The following TFDP2 variants were observed in gnomAD, a reference collection of about 807,000 sequenced individuals.
TFDP2 encodes the protein transcription factor Dp-2, also known as transcription factor Dp-2 (E2F dimerization partner 2).
TFDP2 carries 17 observed loss-of-function variants against 59.3 expected under a neutral mutation model. That is an observed-to-expected ratio of 0.29 (90% CI 0.20 to 0.43). TFDP2 has a LOEUF of 0.43. Among genes scored for constraint, TFDP2 ranks in the 20% least tolerant of loss-of-function variants. The probability of loss-of-function intolerance (pLI) is 1.00; values close to 1 mark genes in which losing one functional copy is unlikely to be tolerated. For missense variants in TFDP2, 391 were observed against 528.8 expected (o/e 0.74, Z 2.56); for synonymous variants, 180 against 194.7 (o/e 0.92, Z 0.63).
chr3:142,141,128 CTTCGCT>C (rs1441026812), intron 1 of TFDP2, among the ~76,000 whole-genome samples: 1 of 152,216 alleles, frequency 6.6e-6, no homozygotes. Context: ...TCTCAGACTA[CTTCGCT>C]AGCAGTGAGC....
chr3:142,115,885 C>T (rs73233898), intron 1 of TFDP2, among the ~76,000 whole-genome samples: 12,960 of 151,996 alleles, frequency 0.085, 694 homozygotes, highest in Middle Eastern at 0.14. Flanking sequence ...CAAAGACACA[C>T]CAAAAAATGG....
intron 1 of TFDP2, among the ~76,000 whole-genome samples, chr3:142,128,399 C>T (rs1270482405): frequency 1.3e-5 from 2 of 152,186 alleles, no homozygotes; most frequent in Non-Finnish European, 2.9e-5. Flanking sequence ...GCAAAACAAT[C>T]GGCCTGGGAC....
At chr3:142,042,147 T>A (rs931839792) in intron 3 of TFDP2, among the ~76,000 whole-genome samples, 7 of 152,234 alleles carry the variant, frequency 4.6e-5, no homozygotes, top group Non-Finnish European at 2.9e-5. Context: ...ACTTATATGT[T>A]AACATATTCA....
chr3:141,984,216 A>T (rs1203210784), intron 6 of TFDP2, among the ~76,000 whole-genome samples: 1 of 152,186 alleles, frequency 6.6e-6, no homozygotes, highest in Non-Finnish European at 1.5e-5. Flanking sequence ...AAAGATAAAT[A>T]TTGGGTTGGG....
chr3:142,051,861 C>T (rs1947647563), intron 3 of TFDP2, among the ~76,000 whole-genome samples: 1 of 151,906 alleles, frequency 6.6e-6, no homozygotes, highest in South Asian at 2.1e-4. Context: ...CTTAGTGACT[C>T]ATGTTTGTAA....
At position 142,074,800 on chromosome 3, in the gene TFDP2, C is replaced by T. The variant is rs141311056; in HGVS notation, c.82+18261G>A. On this transcript the variant is annotated intron_variant, in intron 3 of 12. Transcript: ENST00000489671. ...CCGGGAGGCAGAGGTTGCAGTGAGC[C>T]GAGATTGTGCTACTGCATTCCAGCG... Among the ~76,000 whole-genome samples the T allele has an allele frequency of 5.5e-3, 840 of 152,024 alleles. 20 individuals are homozygous for T. The highest frequency in any genetic ancestry group is 0.025 in the East Asian group (128 of 5,172).
In TFDP2 at chr3:142,095,745, T is replaced by C. The variant is rs558343435; in HGVS notation, c.16-2618A>G. ...ATTTGTTGAAGAGTTTATTGTGCCATTACTAATAACTCCCCCCTCCTTTTT... is the reference window on the plus strand; with the variant it reads ...ATTTGTTGAAGAGTTTATTGTGCCACTACTAATAACTCCCCCCTCCTTTTT... On this transcript the variant is annotated intron_variant, in intron 2 of 12. Transcript: ENST00000489671. 2.6e-5 allele frequency among the ~76,000 whole-genome samples: 4 copies of C among 152,324 alleles called. No individual in the cohort carries two copies. The East Asian group carries it at 7.7e-4, about 29-fold the overall frequency.
At position 141,947,413 on chromosome 3, in the gene TFDP2, T is replaced by C. The variant is rs1935369027; in HGVS notation, c.*5100A>G. On this transcript the variant is annotated 3_prime_UTR_variant, in exon 13 of 13. Coordinates refer to ENST00000489671, the MANE Select transcript of TFDP2 (RefSeq NM_001178139.2). ...TTCTCAATTTCTAATCATTTTTCTT[T>C]CTTTCTTTTTTCTTTTTTTGAGACA... is the stretch of plus-strand genomic sequence containing the variant. 6.6e-6 allele frequency: 1 copy of C among 152,126 alleles called. No individual in the cohort carries two copies. Among genetic ancestry groups the C allele is most frequent in the Non-Finnish European group, 1.5e-5 (1 of 68,034 alleles). The allele number at this position is 152,126 out of a possible 1,614,324, so 9.4% of individuals were successfully genotyped here.
intron 4 of TFDP2, among the ~76,000 whole-genome samples, chr3:141,995,786 G>A (rs1047606595): frequency 1.3e-5 from 2 of 151,096 alleles, no homozygotes; most frequent in African/African-American, 4.9e-5. Flanking sequence ...GGGAGGCTGA[G>A]GCAGGAGAAT....
At chr3:142,099,970 C>T (rs1057410683) in intron 2 of TFDP2, among the ~76,000 whole-genome samples, 3 of 152,160 alleles carry the variant, frequency 2.0e-5, no homozygotes, top group African/African-American at 4.8e-5. Context: ...TTCCTGCCCT[C>T]ATATCCTAAT....
intron 3 of TFDP2, among the ~76,000 whole-genome samples, chr3:142,052,414 G>A (rs561955356): frequency 1.3e-4 from 19 of 150,986 alleles, no homozygotes; most frequent in African/African-American, 2.9e-4. Context: ...GCGTGGTGGT[G>A]GGCGCCTGTA....
chr3:141,955,615 A>T lies in TFDP2; in HGVS notation c.1052-2599T>A, dbSNP rs370056553. 4.6e-5 allele frequency among the ~76,000 whole-genome samples: 7 copies of T among 152,202 alleles called. No homozygotes were observed. The South Asian group carries it at 6.2e-4, about 14-fold the overall frequency. On this transcript the variant is annotated intron_variant, in intron 11 of 12. Transcript: ENST00000489671. ...AACAGAAACCAAATCTCAGCCAACA[A>T]ACTCTTCTGTTGTGAGCAAAGGACC... is the stretch of plus-strand genomic sequence containing the variant.
chr3:142,039,227 G>C (rs1325233892), intron 3 of TFDP2, among the ~76,000 whole-genome samples: 1 of 152,104 alleles, frequency 6.6e-6, no homozygotes, highest in African/African-American at 2.4e-5. Flanking sequence ...CTTCTCCTGT[G>C]AATTACCCAT....
intron 6 of TFDP2, among the ~76,000 whole-genome samples, chr3:141,980,574 A>T (rs1941377598): frequency 1.3e-5 from 2 of 151,848 alleles, no homozygotes; most frequent in Admixed American, 1.3e-4. Context: ...AAAGAGTCTC[A>T]CTCTATCCCC....
At chr3:142,047,932 C>T (rs1029252664) in intron 3 of TFDP2, among the ~76,000 whole-genome samples, 2 of 151,670 alleles carry the variant, frequency 1.3e-5, no homozygotes, top group African/African-American at 4.8e-5. Flanking sequence ...AGTAGAGACG[C>T]GGTCTCACCA....
At chr3:142,040,762 G>A (rs1025278250) in intron 3 of TFDP2, among the ~76,000 whole-genome samples, 1 of 152,060 alleles carries the variant, frequency 6.6e-6, no homozygotes, top group African/African-American at 2.4e-5. Flanking sequence ...AAATTAGCTG[G>A]GTGTGCTAGC....
rs150719917 is a variant in TFDP2 at position 142,130,488 on chromosome 3, T to G, written c.-93+18695A>C. Among the ~76,000 whole-genome samples the G allele has an allele frequency of 3.4e-3, 508 of 151,572 alleles. 2 individuals carry two copies. Among genetic ancestry groups the G allele is most frequent in the African/African-American group, 0.012 (494 of 41,066 alleles). ...GTTTGTTTTTTTACCGTATTTACTA[T>G]TTCTTTTTTTTTTTTTATACTTTTA... On this transcript the variant is annotated intron_variant, in intron 1 of 12. Coordinates refer to ENST00000489671, the MANE Select transcript of TFDP2 (RefSeq NM_001178139.2).
At chr3:141,987,042 T>G (rs1375986745) in intron 6 of TFDP2, among the ~76,000 whole-genome samples, 1 of 152,214 alleles carries the variant, frequency 6.6e-6, no homozygotes, top group Non-Finnish European at 1.5e-5. Flanking sequence ...TCTTTTGTTT[T>G]TTCTTGGTAT....
At chr3:142,107,617 A>G (rs73233881) in intron 1 of TFDP2, among the ~76,000 whole-genome samples, 12,960 of 152,238 alleles carry the variant, frequency 0.085, 695 homozygotes, top group Middle Eastern at 0.14. Context: ...AGTGCTTCAC[A>G]TGTATATCAT....
Sources: gnomAD v4.1 joint callset for allele counts (sites outside exome capture counted in the v4.1 genomes callset) on GRCh38, gnomAD v4.1.1 for gene constraint, MANE v1.5 for transcripts, NCBI Gene and HGNC (gene_info 2026-07-23, HGNC 2026-07-21) for gene names.